DPP6: variants seen among roughly 807,000 people sequenced by gnomAD.
DPP6 encodes A-type potassium channel modulatory protein DPP6.
A neutral mutation model predicts 122.6 loss-of-function variants in DPP6; 69 were observed. The observed-to-expected ratio is 0.56, with a 90% CI of 0.46 to 0.69. DPP6 has a LOEUF of 0.69. DPP6 is among the 30% of genes least tolerant of loss of function. The pLI, the probability that DPP6 is intolerant of heterozygous loss-of-function variation, is 0.00. For synonymous variants in DPP6, 418 were observed against 433.1 expected, an observed-to-expected ratio of 0.97 and a Z score of 0.43; for missense variants, 928 against 1,116.9, an observed-to-expected ratio of 0.83 and a Z score of 2.41.
At chr7:154,673,002 C>T (rs1407113675) in intron 7 of DPP6, among the ~76,000 whole-genome samples, 2 of 152,108 alleles carry the variant, frequency 1.3e-5, no homozygotes, top group Admixed American at 6.6e-5. Flanking sequence ...GGATCATATG[C>T]TGTCTTGGTT....
chr7:154,265,855 T>C (rs1265111358), intron 1 of DPP6, among the ~76,000 whole-genome samples: 1 of 152,234 alleles, frequency 6.6e-6, no homozygotes, highest in Non-Finnish European at 1.5e-5. Context: ...TGACTGGCTG[T>C]TACTTTGGTC....
At chr7:154,446,071 A>T in intron 1 of DPP6, 143 bp from the exon 2 acceptor site, 2 of 576,364 alleles carry the variant, frequency 3.5e-6, no homozygotes, top group Non-Finnish European at 6.0e-6. Context: ...ACAAAAGGGA[A>T]CTAATAGTAG....
At chr7:154,176,292 G>C (rs1217750212) in intron 1 of DPP6, among the ~76,000 whole-genome samples, 1 of 152,150 alleles carries the variant, frequency 6.6e-6, no homozygotes, top group African/African-American at 2.4e-5. Flanking sequence ...CAGTATCTTT[G>C]TGGATATGGG....
intron 1 of DPP6, among the ~76,000 whole-genome samples, chr7:153,936,703 C>T (rs1243969021): frequency 2.0e-5 from 3 of 151,710 alleles, no homozygotes; most frequent in Admixed American, 1.3e-4. Flanking sequence ...CCCAGCTACT[C>T]GGGAGGCTGA....
chr7:154,400,543 T>C (rs1235080527), intron 1 of DPP6, among the ~76,000 whole-genome samples: 7 of 152,206 alleles, frequency 4.6e-5, no homozygotes, highest in Non-Finnish European at 8.8e-5. Flanking sequence ...TGATTGACTA[T>C]GTTATTCTTT....
intron 1 of DPP6, among the ~76,000 whole-genome samples, chr7:154,340,794 G>A (rs1486203320): frequency 6.6e-6 from 1 of 152,048 alleles, no homozygotes; most frequent in Admixed American, 6.6e-5. Flanking sequence ...TACCTACCTT[G>A]CCCCAGAACA....
intron 1 of DPP6, among the ~76,000 whole-genome samples, chr7:154,062,352 G>A (rs1354666398): frequency 3.8e-5 from 1 of 26,632 alleles, no homozygotes; most frequent in Non-Finnish European, 7.2e-5. Context: ...CGAGGGTGGG[G>A]ACTGAGAGCT....
chr7:153,861,188 C>T, the DPP6 span, among the ~76,000 whole-genome samples: 12 of 151,958 alleles, frequency 7.9e-5, no homozygotes, highest in South Asian at 2.1e-4. Context: ...TTTAAGGCAA[C>T]GGGTTTAATA....
At chr7:153,848,020 C>T in the DPP6 span, among the ~76,000 whole-genome samples, 5 of 152,124 alleles carry the variant, frequency 3.3e-5, no homozygotes, top group African/African-American at 4.8e-5. Flanking sequence ...AGGCCCAACC[C>T]GCAGACACTG....
chr7:154,596,361 C>G (rs528303819), intron 5 of DPP6, among the ~76,000 whole-genome samples: 113 of 152,302 alleles, frequency 7.4e-4, no homozygotes, highest in South Asian at 1.7e-3. Flanking sequence ...AGGAGAGGCA[C>G]GACTCGCAAG....
chr7:154,752,960 T>C (rs1843470135), intron 8 of DPP6, among the ~76,000 whole-genome samples: 1 of 152,118 alleles, frequency 6.6e-6, no homozygotes, highest in Non-Finnish European at 1.5e-5. Context: ...CTGTGTGCCA[T>C]GCCCTGTGCG....
At chr7:154,465,451 A>C (rs1821699870) in intron 2 of DPP6, among the ~76,000 whole-genome samples, 1 of 152,186 alleles carries the variant, frequency 6.6e-6, no homozygotes, top group Non-Finnish European at 1.5e-5. Flanking sequence ...AAATTTTTGC[A>C]ATCTATCCAT....
chr7:154,361,124 G>A (rs193059007), intron 1 of DPP6, among the ~76,000 whole-genome samples: 15 of 152,182 alleles, frequency 9.9e-5, no homozygotes, highest in African/African-American at 2.7e-4. Flanking sequence ...AGATTTGAGC[G>A]TTGAGATTCT....
chr7:154,623,577 G>T (rs944252386), intron 5 of DPP6, among the ~76,000 whole-genome samples: 85 of 149,372 alleles, frequency 5.7e-4, no homozygotes, highest in African/African-American at 1.9e-3. Flanking sequence ...ACACACACAC[G>T]CACGCACACG....
chr7:154,825,982 A>G (rs1442743479), intron 16 of DPP6, among the ~76,000 whole-genome samples: 1 of 152,198 alleles, frequency 6.6e-6, no homozygotes, highest in African/African-American at 2.4e-5. Flanking sequence ...CACTCATCCC[A>G]CCACACAGAA....
At chr7:153,925,446 G>A (rs982078934) in intron 1 of DPP6, among the ~76,000 whole-genome samples, 2 of 151,318 alleles carry the variant, frequency 1.3e-5, no homozygotes, top group Non-Finnish European at 2.9e-5. Context: ...ATGGTGGAAG[G>A]TCCCCGAGGT....
rs951872850 is a variant in DPP6 at position 154,028,848 on chromosome 7, G to A, written c.51+141114G>A. On this transcript the variant is annotated intron_variant, in intron 1 of 25. Transcript: ENST00000404039. ...CCTCTGACCCCTGACACTGTGTGCT[G>A]CCCGCAGCCAGAGGAAACCACGTTC... Among the ~76,000 whole-genome samples the A allele has an allele frequency of 5.3e-5, 8 of 152,144 alleles. No homozygotes were observed. In the East Asian group the frequency reaches 1.6e-3, roughly 29 times the overall value.
intron 7 of DPP6, among the ~76,000 whole-genome samples, chr7:154,715,063 T>TC (rs60065844): frequency 4.7e-4 from 71 of 151,832 alleles, no homozygotes; most frequent in African/African-American, 1.3e-3. Context: ...TCTTATCTTA[T>TC]TTTATTTTAT....
intron 1 of DPP6, among the ~76,000 whole-genome samples, chr7:154,021,333 G>T (rs748960984): frequency 1.3e-5 from 2 of 152,150 alleles, no homozygotes; most frequent in Non-Finnish European, 1.5e-5. Context: ...CTTAGAGTTT[G>T]CCAAGTCCTG....
Sources: allele counts gnomAD v4.1 joint callset (sites outside exome capture counted in the v4.1 genomes callset), GRCh38; gene constraint gnomAD v4.1.1; transcripts MANE v1.5; gene names NCBI Gene and HGNC (gene_info 2026-07-23, HGNC 2026-07-21).